Variants in SQOR observed in about 807,000 individuals in gnomAD.
SQOR encodes sulfide:quinone oxidoreductase, mitochondrial.
A neutral mutation model predicts 48.6 loss-of-function variants in SQOR; 39 were observed. That is an observed-to-expected ratio of 0.80 (90% CI 0.62 to 1.05). The LOEUF is 1.05. SQOR is among the 50% of genes least tolerant of loss of function. The pLI is 0.00. For synonymous variants in SQOR, 220 were observed against 206.2 expected (o/e 1.07, Z -0.57); for missense variants, 561 against 559.9 (o/e 1.00, Z -0.02).
chr15:45,642,107 T>G (rs1314150797), intron 1 of SQOR, among the ~76,000 whole-genome samples: 2 of 152,244 alleles, frequency 1.3e-5, no homozygotes, highest in African/African-American at 4.8e-5. Context: ...TCAAAAATGC[T>G]GAACTCAACT....
At chr15:45,683,768 C>T (rs767041488) in intron 7 of SQOR, among the ~76,000 whole-genome samples, 1 of 151,514 alleles carries the variant, frequency 6.6e-6, no homozygotes, top group Non-Finnish European at 1.5e-5. Context: ...ACTCATATAC[C>T]CTTCAGGTAT....
intron 7 of SQOR, among the ~76,000 whole-genome samples, chr15:45,684,211 C>A (rs923754002): frequency 2.0e-5 from 3 of 152,168 alleles, no homozygotes; most frequent in Non-Finnish European, 4.4e-5. Flanking sequence ...CCACGCCCAG[C>A]CTGTATTTAT....
At position 45,689,053 on chromosome 15, in the gene SQOR, A is replaced by G; in HGVS notation, c.1131A>G (p.Thr377=). ...QTPTKKYDGY[T]SCPLVTGYNR... ...TACAATTTTAGTATGATGGCTACAC[A>G]TCATGTCCACTGGTGACCGGCTACA... Residue 377 remains threonine (T), a synonymous_variant, in exon 9 of 10, where the codon ACA becomes ACG. Transcript: ENST00000260324. The G allele has an allele frequency of 6.2e-7, 1 of 1,614,080 alleles. No individual in the cohort carries two copies. The highest frequency in any genetic ancestry group is 8.5e-7 in the Non-Finnish European group (1 of 1,179,994).
At chr15:45,690,896 C>G (rs1210415400) in intron 9 of SQOR, 77 bp from the exon 10 acceptor site, 11 of 1,280,058 alleles carry the variant, frequency 8.6e-6, no homozygotes, top group South Asian at 7.1e-5. Context: ...AGCCTGGCTT[C>G]CCTTTCAGCA....
At chr15:45,634,183 A>AAAC (rs201791511), upstream of SQOR, among the ~76,000 whole-genome samples, 2 of 47,654 alleles carry the variant, frequency 4.2e-5, no homozygotes, top group Non-Finnish European at 8.7e-5. Flanking sequence ...CTGTTTCAAA[A>AAAC]AACAACAACA....
intron 7 of SQOR, among the ~76,000 whole-genome samples, 196 bp downstream of exon 7, chr15:45,682,857 G>A (rs185168652): frequency 5.9e-5 from 9 of 151,998 alleles, no homozygotes; most frequent in East Asian, 5.8e-4. Flanking sequence ...GTGAAACCCC[G>A]TCTCTACTAA....
At chr15:45,659,456 C>T (rs920132662) in intron 2 of SQOR, among the ~76,000 whole-genome samples, 1 of 152,126 alleles carries the variant, frequency 6.6e-6, no homozygotes, top group Non-Finnish European at 1.5e-5. Context: ...ACATCTATTC[C>T]CTCACAGTTC....
chr15:45,638,651 G>C (rs1895050718), intron 1 of SQOR, among the ~76,000 whole-genome samples: 1 of 151,762 alleles, frequency 6.6e-6, no homozygotes, highest in South Asian at 2.1e-4. Context: ...TTGAACCGGA[G>C]AGGAGGAAGT....
chr15:45,690,389 ATGACCTCCTT>A (rs1890301775), intron 9 of SQOR, among the ~76,000 whole-genome samples: 3 of 152,180 alleles, frequency 2.0e-5, no homozygotes, highest in African/African-American at 7.2e-5. Flanking sequence ...CTAAAAGCTG[ATGACCTCCTT>A]TGACTTTTCT....
At chr15:45,650,980 G>A (rs116243841) in intron 1 of SQOR, among the ~76,000 whole-genome samples, 303 of 152,316 alleles carry the variant, frequency 2.0e-3, no homozygotes, top group African/African-American at 6.9e-3. Context: ...GAGCCGAGGC[G>A]GAGCTGCCCC....
chr15:45,687,288 T>G (rs1376688793), intron 7 of SQOR, among the ~76,000 whole-genome samples: 1 of 152,062 alleles, frequency 6.6e-6, no homozygotes, highest in Non-Finnish European at 1.5e-5. Context: ...ATTTTTGTAT[T>G]TTTAGTAGAG....
At position 45,676,205 on chromosome 15, in the gene SQOR, G is replaced by T. The variant is rs956420947; in HGVS notation, c.759G>T (p.Arg253=). 8.7e-6 allele frequency: 14 copies of T among 1,614,128 alleles called. No individual in the cohort carries two copies. Among genetic ancestry groups the T allele is most frequent in the Non-Finnish European group, 1.2e-5 (14 of 1,180,014 alleles). Residue 253 remains arginine (R), a synonymous_variant, in exon 6 of 10, where the codon CGG becomes CGT. Transcript: ENST00000260324. The part of the protein sequence containing the change: ...ADALQEIIQE[R]NLTVNYKKNL... ...CCCTGCAGGAGATCATCCAGGAGCG[G>T]AACCTCACTGTTAACTACAAGAAAA...
Position 45,691,154 on chromosome 15 carries a change from T to C in SQOR, c.*124T>C, listed in dbSNP as rs748793132. ...TAAAGAGTTCCTTGATGGGTAATGG[T>C]GACCAAATGCCTCCCTTTTCAGTAC... On this transcript the variant is annotated 3_prime_UTR_variant, in exon 10 of 10. Coordinates refer to ENST00000260324, the MANE Select transcript of SQOR (RefSeq NM_021199.4). 8 of 813,886 alleles carry C rather than the reference T, an allele frequency of 9.8e-6. No individual in the cohort carries two copies. Among genetic ancestry groups the C allele is most frequent in the Non-Finnish European group, 1.7e-5 (8 of 466,604 alleles). The allele number at this position is 813,886 out of a possible 1,614,324, so 50.4% of individuals were successfully genotyped here.
chr15:45,676,778 C>T (rs780213617), intron 6 of SQOR, among the ~76,000 whole-genome samples: 8 of 152,136 alleles, frequency 5.3e-5, no homozygotes, highest in Non-Finnish European at 1.0e-4. Context: ...TGGTGGCTCA[C>T]GCCTGTAATC....
At chr15:45,688,515 C>CTTTT in intron 8 of SQOR, 111 bp downstream of exon 8, 2 of 622,370 alleles carry the variant, frequency 3.2e-6, no homozygotes, top group Non-Finnish European at 2.5e-6. Flanking sequence ...TTCTGTTTTT[C>CTTTT]TTTTTTTTTT....
intron 1 of SQOR, among the ~76,000 whole-genome samples, chr15:45,651,458 G>A (rs370044354): frequency 7.9e-5 from 12 of 152,230 alleles, no homozygotes; most frequent in Admixed American, 1.3e-4. Flanking sequence ...CCCCCACAGC[G>A]CAGTGGCGGC....
chr15:45,658,669 C>T (rs1323458847), intron 1 of SQOR, among the ~76,000 whole-genome samples: 1 of 152,070 alleles, frequency 6.6e-6, no homozygotes, highest in South Asian at 2.1e-4. Flanking sequence ...ACAAAGTCCT[C>T]GATAGCCTGA....
At chr15:45,647,274 A>G (rs1889360259) in intron 1 of SQOR, among the ~76,000 whole-genome samples, 1 of 151,396 alleles carries the variant, frequency 6.6e-6, no homozygotes, top group African/African-American at 2.4e-5. Context: ...AACAAAACAT[A>G]TATTCACTCT....
chr15:45,680,253 C>A (rs1595508728), intron 6 of SQOR, among the ~76,000 whole-genome samples: 1 of 152,110 alleles, frequency 6.6e-6, no homozygotes, highest in Middle Eastern at 3.4e-3. Flanking sequence ...CACTACCATG[C>A]CCGGGTAATT....
Sources: allele counts gnomAD v4.1 joint callset (sites outside exome capture counted in the v4.1 genomes callset), GRCh38; gene constraint gnomAD v4.1.1; transcripts MANE v1.5; gene names NCBI Gene and HGNC (gene_info 2026-07-23, HGNC 2026-07-21).